PDS5A: variants seen among roughly 807,000 people sequenced by gnomAD.
PDS5A encodes the protein PDS5 cohesin associated factor A, also known as sister chromatid cohesion protein PDS5 homolog A.
In PDS5A, 42 loss-of-function variants were observed where a neutral mutation model predicts 167.1. The ratio of observed to expected loss-of-function variants is 0.25; its 90% confidence interval spans 0.20 to 0.33. The LOEUF (loss-of-function observed/expected upper bound fraction) is 0.33, where lower values mean the gene tolerates loss of function less well. Ranked by LOEUF, PDS5A falls within the 10% of genes least tolerant of loss-of-function variation. The pLI is 1.00. For synonymous variants in PDS5A, 553 were observed against 554.6 expected (o/e 1.00, Z 0.04); for missense variants, 1,033 against 1,605.9 (o/e 0.64, Z 6.10).
At chr4:39,913,877 A>C (rs1724113862) in intron 8 of PDS5A, among the ~76,000 whole-genome samples, 151 bp from the exon 9 acceptor site, 2 of 152,216 alleles carry the variant, frequency 1.3e-5, no homozygotes, top group Admixed American at 6.5e-5. Context: ...ACTATGCAGA[A>C]ATTGATTTAA....
chr4:39,878,080 GA>G (rs1236254093), intron 18 of PDS5A, among the ~76,000 whole-genome samples: 1 of 152,102 alleles, frequency 6.6e-6, no homozygotes, highest in Non-Finnish European at 1.5e-5. Context: ...CCATAAAGTA[GA>G]AACAATTCAG....
At chr4:39,910,462 C>T (rs1026619496) in intron 9 of PDS5A, 124 bp from the exon 10 acceptor site, 2 of 585,458 alleles carry the variant, frequency 3.4e-6, no homozygotes, top group Non-Finnish European at 6.1e-6. Context: ...TTGTTATGAG[C>T]TAAGGTATTC....
intron 18 of PDS5A, among the ~76,000 whole-genome samples, 161 bp from the exon 19 acceptor site, chr4:39,877,314 G>A (rs1306711158): frequency 1.4e-4 from 1 of 7,300 alleles, no homozygotes; most frequent in Non-Finnish European, 2.3e-4. Flanking sequence ...GTTAGTTATG[G>A]CTAATCAGAA....
chr4:39,938,972 A>C (rs762016102), intron 2 of PDS5A, among the ~76,000 whole-genome samples: 3 of 152,188 alleles, frequency 2.0e-5, no homozygotes, highest in African/African-American at 4.8e-5. Context: ...CCATCTAAAA[A>C]AAAAAAGCAA....
intron 2 of PDS5A, among the ~76,000 whole-genome samples, chr4:39,948,954 G>C (rs1728058371): frequency 6.6e-6 from 1 of 151,842 alleles, no homozygotes; most frequent in African/African-American, 2.4e-5. Flanking sequence ...CTAACAAACG[G>C]ATAAACAAAA....
intron 2 of PDS5A, among the ~76,000 whole-genome samples, chr4:39,957,798 A>G (rs369999960): frequency 1.2e-4 from 18 of 151,952 alleles, no homozygotes; most frequent in African/African-American, 4.1e-4. Flanking sequence ...AAAAAAAAAA[A>G]AAAAAAAAGA....
chr4:39,884,429 C>A (rs1284974718), intron 17 of PDS5A, among the ~76,000 whole-genome samples: 1 of 152,184 alleles, frequency 6.6e-6, no homozygotes, highest in Non-Finnish European at 1.5e-5. Context: ...GTCTTCTCTG[C>A]CTAAGTAATA....
Position 39,842,909 on chromosome 4 carries a change from T to TATATATATATATATATA in PDS5A, c.3549-854_3549-853insTATATATATATATATAT, listed in dbSNP as rs1717167841. On this transcript the variant is annotated intron_variant, in intron 30 of 32. Coordinates refer to ENST00000303538, the MANE Select transcript of PDS5A (RefSeq NM_001100399.2). ...AGAACAATGTAAACTTATCCTATTT[T>TATATATATATATATATA]TATATATATATATATATATATATAT... 4.9e-4 allele frequency among the ~76,000 whole-genome samples: 45 copies of TATATATATATATATATA among 92,306 alleles called. 3 individuals are homozygous for TATATATATATATATATA. The highest frequency in any genetic ancestry group is 1.7e-3 in the African/African-American group (31 of 18,202). The allele number at this position is 92,306 out of a possible 152,430, so 60.6% of individuals were successfully genotyped here.
intron 30 of PDS5A, among the ~76,000 whole-genome samples, chr4:39,844,271 T>C (rs1326439214): frequency 6.6e-6 from 1 of 151,986 alleles, no homozygotes; most frequent in African/African-American, 2.4e-5. Flanking sequence ...GGTCAGGAGT[T>C]CGAGACCAGC....
intron 26 of PDS5A, among the ~76,000 whole-genome samples, chr4:39,851,781 G>A (rs1718146648): frequency 6.6e-6 from 1 of 152,180 alleles, no homozygotes; most frequent in Non-Finnish European, 1.5e-5. Context: ...CTATAGGTTT[G>A]AGGATTCTAT....
intron 2 of PDS5A, among the ~76,000 whole-genome samples, chr4:39,970,421 C>A (rs1003690682): frequency 1.4e-5 from 2 of 146,494 alleles, no homozygotes; most frequent in African/African-American, 2.5e-5. Flanking sequence ...CAAAGCTTCA[C>A]AATAGTTTCT....
Position 39,917,103 on chromosome 4 carries a change from G to A in PDS5A, c.821C>T (p.Ala274Val). The change falls in exon 8 of 33, where the codon GCT becomes GTT. Residue 274 changes from alanine to valine, a missense_variant. Physicochemically the swap from Ala to Val is moderately conservative, Grantham distance 64. Transcript: ENST00000303538. ...HVFDLIQELF[A>V]IDPHLLLSVM... ...GGATAATAATAAATGAGGATCTATA[G>A]CAAAAAGTTCCTGAATCAGATCAAA... 1 of 1,560,988 alleles carries A rather than the reference G, an allele frequency of 6.4e-7. No homozygotes were observed. The highest frequency in any genetic ancestry group is 1.4e-5 in the African/African-American group (1 of 71,998).
chr4:39,900,608 C>G, intron 13 of PDS5A, 101 bp from the exon 14 acceptor site: 1 of 697,566 alleles, frequency 1.4e-6, no homozygotes, highest in Non-Finnish European at 2.5e-6. Flanking sequence ...CACCATTCTT[C>G]TACATCTACC....
At position 39,910,355 on chromosome 4, in the gene PDS5A, T is replaced by G. The variant is rs1196594330; in HGVS notation, c.993-17A>C. The G allele has an allele frequency of 4.0e-6, 5 of 1,257,000 alleles. No homozygotes were observed. The highest frequency in any genetic ancestry group is 5.8e-6 in the Non-Finnish European group (5 of 869,428). The allele number at this position is 1,257,000 out of a possible 1,614,324, so 77.9% of individuals were successfully genotyped here. ...TCATTAAATCTACACAGAAAAAGAT[T>G]GCTAAACATTAATTGTAAGGCAAAA... is the stretch of plus-strand genomic sequence containing the variant. On this transcript the variant is annotated splice_polypyrimidine_tract_variant and intron_variant, in intron 9 of 32. Coordinates refer to ENST00000303538, the MANE Select transcript of PDS5A (RefSeq NM_001100399.2).
At chr4:39,973,108 T>C (rs1730717626) in intron 2 of PDS5A, 1 of 780,348 alleles carries the variant, frequency 1.3e-6, no homozygotes, top group South Asian at 1.5e-5. Flanking sequence ...CAAGTTTCTT[T>C]TCGTGGTCTC....
intron 2 of PDS5A, among the ~76,000 whole-genome samples, chr4:39,964,247 G>C (rs907465740): frequency 2.0e-5 from 3 of 152,154 alleles, no homozygotes; most frequent in African/African-American, 7.2e-5. Flanking sequence ...GCCTGTAGAA[G>C]ACAGAAATAT....
intron 2 of PDS5A, among the ~76,000 whole-genome samples, chr4:39,949,106 A>T (rs922615640): frequency 2.0e-5 from 3 of 151,718 alleles, no homozygotes; most frequent in African/African-American, 7.3e-5. Flanking sequence ...GAGACTGGGC[A>T]ACATAGTGAA....
intron 4 of PDS5A, among the ~76,000 whole-genome samples, 178 bp downstream of exon 4, chr4:39,926,597 C>T (rs940402945): frequency 6.6e-6 from 1 of 150,876 alleles, no homozygotes; most frequent in Non-Finnish European, 1.5e-5. Flanking sequence ...TCAGAATATA[C>T]TTTATCTCTT....
At chr4:39,944,441 C>T (rs1373505915) in intron 2 of PDS5A, among the ~76,000 whole-genome samples, 2 of 152,042 alleles carry the variant, frequency 1.3e-5, no homozygotes, top group Non-Finnish European at 2.9e-5. Context: ...CACCTGTAAT[C>T]CCAGCACTCC....
Sources: allele counts gnomAD v4.1 joint callset (sites outside exome capture counted in the v4.1 genomes callset), GRCh38; gene constraint gnomAD v4.1.1; transcripts MANE v1.5; gene names NCBI Gene and HGNC (gene_info 2026-07-23, HGNC 2026-07-21).